PGF: variants seen among roughly 807,000 people sequenced by gnomAD.
The protein encoded by PGF is placental growth factor.
Under a neutral mutation model 25.3 loss-of-function variants are expected in PGF, and 11 were observed. That is an observed-to-expected ratio of 0.43 (90% CI 0.27 to 0.72). The LOEUF (loss-of-function observed/expected upper bound fraction) is 0.72, where lower values mean the gene tolerates loss of function less well. Ranked by LOEUF, PGF falls within the 30% of genes least tolerant of loss-of-function variation. The pLI is 0.18. For synonymous variants in PGF, 105 were observed against 97.9 expected (o/e 1.07, Z -0.43); for missense variants, 230 against 234.9 (o/e 0.98, Z 0.14).
In PGF at chr14:74,942,168, C is replaced by T. The variant is rs534068670; in HGVS notation, c.*538G>A. ...CGGGGGACAAGGAGTGGCAAAAGCC[C>T]CCAGGCAACCACTGTTCTCCAGAGC... is the stretch of plus-strand genomic sequence containing the variant. On this transcript the variant is annotated 3_prime_UTR_variant, in exon 7 of 7. Coordinates refer to ENST00000555567, the MANE Select transcript of PGF (RefSeq NM_002632.6). 11 of 158,284 alleles carry T rather than the reference C, an allele frequency of 6.9e-5. No homozygotes were observed. In the South Asian group the frequency reaches 1.9e-3, roughly 28 times the overall value. 9.8% of individuals were successfully genotyped at this position (158,284 alleles called of 1,614,324 possible).
chr14:74,954,417 G>A (rs946722482), intron 1 of PGF, among the ~76,000 whole-genome samples: 8 of 152,144 alleles, frequency 5.3e-5, no homozygotes, highest in African/African-American at 1.9e-4. Context: ...GCAGCAGGCA[G>A]GCGGGTGGCT....
chr14:74,954,349 G>A (rs1419920381), intron 1 of PGF: 3 of 228,406 alleles, frequency 1.3e-5, no homozygotes, highest in Non-Finnish European at 2.7e-5. Flanking sequence ...CTGAGGGGCT[G>A]GAGCGGGTGG....
Position 74,955,052 on chromosome 14 carries a change from G to A in PGF, c.75+116C>T. On this transcript the variant is annotated intron_variant, in intron 1 of 6. Coordinates refer to ENST00000555567, the MANE Select transcript of PGF (RefSeq NM_002632.6). This position sits in a 1 kb window ranked among gnomAD's most constrained non-coding sequence, Gnocchi z 4.1. ...GTCCAGCCTGGCCTTTAGGAAGTGT[G>A]TGGACATCCTTGGAGTTGCTGCTCC... 2.1e-6 allele frequency: 1 copy of A among 482,750 alleles called. No individual in the cohort carries two copies. Among genetic ancestry groups the A allele is most frequent in the Non-Finnish European group, 3.6e-6 (1 of 281,156 alleles). 29.9% of individuals were successfully genotyped at this position (482,750 alleles called of 1,614,324 possible).
Position 74,953,895 on chromosome 14 carries a change from C to A in PGF, c.118+9G>T. ...GGGAGCATGCGTACCCCCAGCCTGG[C>A]CAGCTTACCTTCCACCTCTGACGAG... On this transcript the variant is annotated intron_variant, in intron 2 of 6. Transcript: ENST00000555567. The surrounding 1 kb of genome is among the most constrained non-coding windows in gnomAD (Gnocchi z 5.4). The A allele has an allele frequency of 6.2e-7, 1 of 1,613,740 alleles. No homozygotes were observed. Among genetic ancestry groups the A allele is most frequent in the Non-Finnish European group, 8.5e-7 (1 of 1,179,868 alleles).
In PGF at chr14:74,955,553, G is replaced by GCCGT. The variant is rs1387427092; in HGVS notation, c.-315_-312dup. The stretch of plus-strand genomic sequence containing the variant: ...CTCCAGGTCCTCCCGTAGCTGGGCG[G>GCCGT]CCGTCCGTCGATGCAGTTTCCTCCG... On this transcript the variant is annotated 5_prime_UTR_variant, in exon 1 of 7. Transcript: ENST00000555567. This position sits in a 1 kb window ranked among gnomAD's most constrained non-coding sequence, Gnocchi z 4.1. 3.3e-6 allele frequency: 1 copy of GCCGT among 301,508 alleles called. No homozygotes were observed. The highest frequency in any genetic ancestry group is 2.2e-5 in the African/African-American group (1 of 46,276). 18.7% of individuals were successfully genotyped at this position (301,508 alleles called of 1,614,324 possible). A position where few individuals can be genotyped will look rare whatever the true frequency, so the allele number is the denominator to read the frequency against.
chr14:74,944,344 C>T (rs1450332175), intron 6 of PGF, among the ~76,000 whole-genome samples: 4 of 151,868 alleles, frequency 2.6e-5, no homozygotes, highest in East Asian at 1.9e-4. Context: ...CCTTGCGATC[C>T]GCCCGCCTTG....
At chr14:74,952,165 C>A (rs1193012012) in intron 2 of PGF, among the ~76,000 whole-genome samples, 1 of 152,218 alleles carries the variant, frequency 6.6e-6, no homozygotes, top group Non-Finnish European at 1.5e-5. Context: ...TGCCTACCTA[C>A]CACCTGGGAT....
rs1566858868 is a variant in PGF at position 74,950,716 on chromosome 14, T to C, written c.119-1163A>G. Among the ~76,000 whole-genome samples the C allele has an allele frequency of 6.6e-6, 1 of 152,028 alleles. No homozygotes were observed. The highest frequency in any genetic ancestry group is 1.5e-5 in the Non-Finnish European group (1 of 68,002). On this transcript the variant is annotated intron_variant, in intron 2 of 6. Transcript: ENST00000555567. This position sits in a 1 kb window ranked among gnomAD's most constrained non-coding sequence, Gnocchi z 4.1. ...TTTCCTCAGGTGGGAAAAAAGAAGG[T>C]TGGGAATAAATGGTTGCTAAGGTCT...
At chr14:74,951,248 C>T (rs1379933783) in intron 2 of PGF, among the ~76,000 whole-genome samples, 3 of 152,110 alleles carry the variant, frequency 2.0e-5, no homozygotes, top group African/African-American at 7.2e-5. Flanking sequence ...ATCCATAGGC[C>T]TCCTCTGACT....
At chr14:74,944,162 G>A (rs1888665554) in intron 6 of PGF, among the ~76,000 whole-genome samples, 1 of 149,988 alleles carries the variant, frequency 6.7e-6, no homozygotes. Context: ...GAGTGCAGTG[G>A]CGTGATCTCG....
chr14:74,944,171 C>T (rs963576703), intron 6 of PGF, among the ~76,000 whole-genome samples: 38 of 143,246 alleles, frequency 2.7e-4, no homozygotes, highest in African/African-American at 5.0e-4. Context: ...GGCGTGATCT[C>T]GGCTCACTGC....
At chr14:74,952,135 C>A (rs534252033) in intron 2 of PGF, among the ~76,000 whole-genome samples, 1 of 152,208 alleles carries the variant, frequency 6.6e-6, no homozygotes, top group Admixed American at 6.5e-5. Context: ...CTCGCCAGCC[C>A]TGTGAGTGAG....
chr14:74,946,704 T>C (rs1888745936), intron 4 of PGF: 1 of 689,810 alleles, frequency 1.4e-6, no homozygotes, highest in Non-Finnish European at 2.7e-6. Flanking sequence ...GTTGTTTCTG[T>C]CTGTTCTCTG....
intron 6 of PGF, among the ~76,000 whole-genome samples, chr14:74,944,109 C>CT (rs546450998): frequency 0.15 from 16,553 of 112,294 alleles, 1,850 homozygotes; most frequent in African/African-American, 0.32. Context: ...TGTTAATTTT[C>CT]TTTTTTTTTT....
In PGF at chr14:74,955,460, G is replaced by A. The variant is rs528849914; in HGVS notation, c.-218C>T. 7.6e-6 allele frequency: 3 copies of A among 393,440 alleles called. No homozygotes were observed. Among genetic ancestry groups the A allele is most frequent in the South Asian group, 1.2e-4 (1 of 8,328 alleles). The allele number at this position is 393,440 out of a possible 1,614,324, so 24.4% of individuals were successfully genotyped here. A position where few individuals can be genotyped will look rare whatever the true frequency, so the allele number is the denominator to read the frequency against. ...GTGGCTGGGGAACCCGACGGGGAGCGGCCCGGCGGGGCGGGGCGCCGAGGG... is the reference window on the plus strand; with the variant it reads ...GTGGCTGGGGAACCCGACGGGGAGCAGCCCGGCGGGGCGGGGCGCCGAGGG... On this transcript the variant is annotated 5_prime_UTR_variant, in exon 1 of 7. Coordinates refer to ENST00000555567, the MANE Select transcript of PGF (RefSeq NM_002632.6). This position sits in a 1 kb window ranked among gnomAD's most constrained non-coding sequence, Gnocchi z 4.1.
intron 1 of PGF, chr14:74,954,284 C>A (rs1284789464): frequency 9.8e-6 from 3 of 306,448 alleles, no homozygotes; most frequent in Non-Finnish European, 1.9e-5. Flanking sequence ...GGGCCCTGCA[C>A]AGCCCGCCTT....
chr14:74,946,693 G>T, intron 4 of PGF: 1 of 679,742 alleles, frequency 1.5e-6, no homozygotes. Flanking sequence ...CATCAAATTT[G>T]GTTGTTTCTG....
At chr14:74,955,660 C>G (rs1051815324), upstream of PGF, 2 of 156,126 alleles carry the variant, frequency 1.3e-5, no homozygotes, top group African/African-American at 2.4e-5. This position sits in a 1 kb window ranked among gnomAD's most constrained non-coding sequence, Gnocchi z 4.1. Flanking sequence ...TCCGGGCCGG[C>G]CCCGCCCACC....
intron 1 of PGF, among the ~76,000 whole-genome samples, chr14:74,954,543 G>T (rs1220486428): frequency 1.3e-5 from 2 of 152,156 alleles, no homozygotes; most frequent in African/African-American, 2.4e-5. Context: ...GCTTTGTCAG[G>T]ATTTCACTGC....
Sources: gnomAD v4.1 joint callset for allele counts (sites outside exome capture counted in the v4.1 genomes callset) on GRCh38, gnomAD v4.1.1 for gene constraint, Gnocchi (gnomAD v3.1) non-coding constraint, MANE v1.5 for transcripts, NCBI Gene and HGNC (gene_info 2026-07-23, HGNC 2026-07-21) for gene names.